MACROD2: variants seen among roughly 807,000 people sequenced by gnomAD.
MACROD2 encodes the protein ADP-ribose glycohydrolase MACROD2.
MACROD2 carries 36 observed loss-of-function variants against 70.4 expected under a neutral mutation model. The ratio of observed to expected loss-of-function variants is 0.51; its 90% CI spans 0.39 to 0.68. The LOEUF (loss-of-function observed/expected upper bound fraction) is 0.68, where lower values mean the gene tolerates loss of function less well. Among genes scored for constraint, MACROD2 ranks in the 30% least tolerant of loss-of-function variants. The pLI, the probability that MACROD2 is intolerant of heterozygous loss-of-function variation, is 0.00. For missense variants in MACROD2, 496 were observed against 538.4 expected, an observed-to-expected ratio of 0.92 and a Z score of 0.78; for synonymous variants, 172 against 178.8, an observed-to-expected ratio of 0.96 and a Z score of 0.30.
intron 6 of MACROD2, among the ~76,000 whole-genome samples, chr20:15,417,950 G>A (rs917517097): frequency 5.9e-5 from 9 of 152,134 alleles, no homozygotes; most frequent in Non-Finnish European, 1.2e-4. Flanking sequence ...TCTCTAACCA[G>A]TTCTTTCTCA....
intron 8 of MACROD2, among the ~76,000 whole-genome samples, chr20:15,662,935 T>C (rs1544629): frequency 0.12 from 18,355 of 152,198 alleles, 1,531 homozygotes; most frequent in East Asian, 0.39. Flanking sequence ...TTTATACAAG[T>C]GACTTCTGTC....
At chr20:15,778,759 G>A (rs558158328) in intron 8 of MACROD2, among the ~76,000 whole-genome samples, 49 of 151,992 alleles carry the variant, frequency 3.2e-4, no homozygotes, top group African/African-American at 1.2e-3. Context: ...GGAATCTGAG[G>A]ATTTATTATC....
intron 8 of MACROD2, among the ~76,000 whole-genome samples, chr20:15,572,475 A>C (rs2048388656): frequency 6.6e-6 from 1 of 152,122 alleles, no homozygotes; most frequent in Non-Finnish European, 1.5e-5. Context: ...ACTTCAGTGA[A>C]GTTCATTGTA....
At chr20:14,736,426 A>C (rs560505266) in intron 5 of MACROD2, among the ~76,000 whole-genome samples, 1 of 152,322 alleles carries the variant, frequency 6.6e-6, no homozygotes, top group South Asian at 2.1e-4. Context: ...ACATTGTGAA[A>C]GTATACTGAA....
chr20:16,048,955 G>A (rs562701316), intron 17 of MACROD2, among the ~76,000 whole-genome samples: 29 of 152,224 alleles, frequency 1.9e-4, no homozygotes, highest in African/African-American at 7.0e-4. Flanking sequence ...ATACATACAT[G>A]GGAATTCTAG....
chr20:14,646,802 C>T (rs1032855910), intron 4 of MACROD2, among the ~76,000 whole-genome samples: 9 of 151,946 alleles, frequency 5.9e-5, no homozygotes, highest in African/African-American at 2.2e-4. Flanking sequence ...AAGTAGTTAC[C>T]TTCCTGTGTT....
At chr20:14,690,884 C>T (rs1568740818) in intron 5 of MACROD2, among the ~76,000 whole-genome samples, 1 of 152,158 alleles carries the variant, frequency 6.6e-6, no homozygotes, top group Non-Finnish European at 1.5e-5. Flanking sequence ...AGTTTGCCAG[C>T]CCCTGGTCTG....
At chr20:15,892,904 A>G in intron 10 of MACROD2, 2 of 398,784 alleles carry the variant, frequency 5.0e-6, no homozygotes, top group Non-Finnish European at 8.9e-6. Flanking sequence ...TTAAATGAGA[A>G]TATTAAATCT....
At chr20:15,125,075 A>AT (rs1568586922) in intron 5 of MACROD2, among the ~76,000 whole-genome samples, 1 of 152,102 alleles carries the variant, frequency 6.6e-6, no homozygotes, top group Non-Finnish European at 1.5e-5. Flanking sequence ...ACCTTTCACT[A>AT]TTATACCGCT....
chr20:15,154,579 C>A (rs145438928), intron 5 of MACROD2, among the ~76,000 whole-genome samples: 19 of 152,326 alleles, frequency 1.2e-4, no homozygotes, highest in African/African-American at 4.6e-4. Flanking sequence ...AGTTTGAGAT[C>A]AAGGTGCCAG....
intron 3 of MACROD2, among the ~76,000 whole-genome samples, chr20:14,308,403 TG>T (rs1479547499): frequency 1.3e-5 from 2 of 152,172 alleles, no homozygotes; most frequent in Non-Finnish European, 2.9e-5. Flanking sequence ...CTTCTGACTT[TG>T]TCCAGATCAT....
intron 5 of MACROD2, among the ~76,000 whole-genome samples, chr20:15,172,964 A>G (rs944306500): frequency 1.4e-4 from 22 of 152,218 alleles, no homozygotes; most frequent in African/African-American, 4.1e-4. Flanking sequence ...ATTTCAAGTG[A>G]CATAAAAACC....
intron 5 of MACROD2, among the ~76,000 whole-genome samples, chr20:14,696,659 T>A (rs574553185): frequency 1.3e-5 from 2 of 152,274 alleles, no homozygotes; most frequent in East Asian, 3.9e-4. Context: ...ATTCTCTCTG[T>A]GTGTTTATTC....
At chr20:14,766,691 C>T (rs1252571395) in intron 5 of MACROD2, among the ~76,000 whole-genome samples, 2 of 152,100 alleles carry the variant, frequency 1.3e-5, no homozygotes, top group African/African-American at 2.4e-5. Flanking sequence ...AATGACTGTG[C>T]TCCAAGGAAT....
chr20:14,941,411 C>T (rs1481961539), intron 5 of MACROD2, among the ~76,000 whole-genome samples: 1 of 152,030 alleles, frequency 6.6e-6, no homozygotes, highest in Non-Finnish European at 1.5e-5. Context: ...AGGTCTCCTG[C>T]TAGGGAACCC....
At chr20:15,664,459 C>T (rs943880829) in intron 8 of MACROD2, among the ~76,000 whole-genome samples, 3 of 152,180 alleles carry the variant, frequency 2.0e-5, no homozygotes, top group African/African-American at 7.2e-5. Flanking sequence ...GTCAGTGTAT[C>T]AATCAGCTAT....
intron 8 of MACROD2, among the ~76,000 whole-genome samples, chr20:15,770,420 C>T (rs1269333858): frequency 7.2e-5 from 11 of 152,070 alleles, no homozygotes; most frequent in South Asian, 2.1e-4. Flanking sequence ...CTTCACTTCT[C>T]TGGGGAGATG....
At chr20:15,145,172 C>A (rs2076221427) in intron 5 of MACROD2, among the ~76,000 whole-genome samples, 1 of 152,190 alleles carries the variant, frequency 6.6e-6, no homozygotes, top group African/African-American at 2.4e-5. Context: ...GAAATTCTCA[C>A]ACTGCTGTAT....
chr20:15,720,675 G>A (rs1600805428), intron 8 of MACROD2, among the ~76,000 whole-genome samples: 1 of 152,182 alleles, frequency 6.6e-6, no homozygotes. Context: ...TATTGGCAGT[G>A]AGAGGTACAT....
Sources: allele counts gnomAD v4.1 joint callset (sites outside exome capture counted in the v4.1 genomes callset), GRCh38; gene constraint gnomAD v4.1.1; transcripts MANE v1.5; gene names NCBI Gene and HGNC (gene_info 2026-07-23, HGNC 2026-07-21).